CPEB4: variants seen among roughly 807,000 people sequenced by gnomAD.
CPEB4 encodes the protein cytoplasmic polyadenylation element binding protein 4, also known as cytoplasmic polyadenylation element-binding protein 4.
Under a neutral mutation model 72.5 loss-of-function variants are expected in CPEB4, and 12 were observed. The ratio of observed to expected loss-of-function variants is 0.17; its 90% CI spans 0.11 to 0.27. The LOEUF is 0.27. Ranked by LOEUF, CPEB4 falls within the 10% of genes least tolerant of loss-of-function variation. CPEB4 has a pLI of 1.00. For synonymous variants in CPEB4, 302 were observed against 326.3 expected (o/e 0.93, Z 0.80); for missense variants, 614 against 908.5 (o/e 0.68, Z 4.17).
At chr5:173,895,479 A>G (rs1755972966) in intron 1 of CPEB4, among the ~76,000 whole-genome samples, 1 of 152,234 alleles carries the variant, frequency 6.6e-6, no homozygotes, top group Non-Finnish European at 1.5e-5. Flanking sequence ...ACAAGTGTCT[A>G]GATCCTCAAA....
intron 1 of CPEB4, among the ~76,000 whole-genome samples, chr5:173,895,642 A>T (rs1194580924): frequency 2.0e-5 from 3 of 152,204 alleles, no homozygotes; most frequent in African/African-American, 4.8e-5. Flanking sequence ...ATCTTTGCAT[A>T]GGAAACATTT....
At chr5:173,933,748 G>A (rs1280419009) in intron 3 of CPEB4, among the ~76,000 whole-genome samples, 1 of 152,166 alleles carries the variant, frequency 6.6e-6, no homozygotes, top group Non-Finnish European at 1.5e-5. Flanking sequence ...GGATATTACT[G>A]TGTCATCTTA....
chr5:173,898,753 AGCAACC>A (rs1351716851), intron 1 of CPEB4, among the ~76,000 whole-genome samples: 3 of 152,180 alleles, frequency 2.0e-5, no homozygotes, highest in Admixed American at 2.0e-4. Flanking sequence ...CTTGGTTCAC[AGCAACC>A]ACCACCTCCT....
chr5:173,906,203 T>G (rs1756428989), intron 1 of CPEB4, among the ~76,000 whole-genome samples: 1 of 152,258 alleles, frequency 6.6e-6, no homozygotes, highest in Admixed American at 6.5e-5. Flanking sequence ...TCTTTTGATT[T>G]GACTCTTTCG....
chr5:173,922,022 A>G (rs904126375), intron 2 of CPEB4, among the ~76,000 whole-genome samples: 1 of 152,208 alleles, frequency 6.6e-6, no homozygotes, highest in Non-Finnish European at 1.5e-5. Flanking sequence ...GGAGATCCCA[A>G]AGATGCAACA....
intron 3 of CPEB4, among the ~76,000 whole-genome samples, chr5:173,941,130 A>T (rs1370442570): frequency 6.6e-6 from 1 of 152,236 alleles, no homozygotes; most frequent in Non-Finnish European, 1.5e-5. Flanking sequence ...AAATCCAAGC[A>T]GCATCAATCA....
intron 2 of CPEB4, among the ~76,000 whole-genome samples, chr5:173,923,496 C>G (rs746186056): frequency 1.3e-4 from 20 of 152,048 alleles, no homozygotes; most frequent in Non-Finnish European, 2.8e-4. Context: ...AGCCATTTGT[C>G]AAAATTATTT....
intron 3 of CPEB4, among the ~76,000 whole-genome samples, chr5:173,936,757 C>G (rs997492016): frequency 6.6e-6 from 1 of 151,330 alleles, no homozygotes; most frequent in Non-Finnish European, 1.5e-5. Flanking sequence ...CAGCTTGAAA[C>G]TTTATTTTAC....
At chr5:173,905,111 G>A (rs1249223592) in intron 1 of CPEB4, among the ~76,000 whole-genome samples, 2 of 151,818 alleles carry the variant, frequency 1.3e-5, no homozygotes, top group Non-Finnish European at 2.9e-5. Context: ...GCTCAATAAA[G>A]GGTAGGTCTG....
At chr5:173,894,242 G>A (rs1258624622) in intron 1 of CPEB4, among the ~76,000 whole-genome samples, 2 of 151,928 alleles carry the variant, frequency 1.3e-5, no homozygotes, top group East Asian at 1.9e-4. Context: ...TAATCCACTC[G>A]CAGTGCTGAG....
intron 1 of CPEB4, among the ~76,000 whole-genome samples, chr5:173,903,035 T>C (rs1756295522): frequency 6.8e-6 from 1 of 146,860 alleles, no homozygotes. Context: ...AATACCTGAA[T>C]GGCAGATATT....
chr5:173,909,044 G>A (rs1034902173), intron 1 of CPEB4, among the ~76,000 whole-genome samples: 1 of 152,044 alleles, frequency 6.6e-6, no homozygotes, highest in Non-Finnish European at 1.5e-5. Context: ...CTTAATTTTA[G>A]TTGTCTCTAG....
At chr5:173,912,219 G>T (rs7736263) in intron 2 of CPEB4, among the ~76,000 whole-genome samples, 33,774 of 151,948 alleles carry the variant, frequency 0.22, 4,968 homozygotes, top group Non-Finnish European at 0.31. Flanking sequence ...TCTGACTTTG[G>T]GTAGTCTTCA....
intron 2 of CPEB4, among the ~76,000 whole-genome samples, chr5:173,930,647 T>A (rs1389419369): frequency 6.6e-6 from 1 of 152,188 alleles, no homozygotes; most frequent in Non-Finnish European, 1.5e-5. Context: ...AATGGAACGA[T>A]TACCAACTTA....
chr5:173,949,658 T>G, intron 6 of CPEB4, 61 bp downstream of exon 6: 1 of 1,157,086 alleles, frequency 8.6e-7, no homozygotes, highest in Middle Eastern at 2.0e-4. Context: ...ATGTGTAGCC[T>G]TTTCATAAAT....
At chr5:173,893,530 A>G in intron 1 of CPEB4, among the ~76,000 whole-genome samples, 1 of 152,286 alleles carries the variant, frequency 6.6e-6, no homozygotes, top group East Asian at 1.9e-4. Context: ...CAATTTAATT[A>G]CTATTAAAAT....
chr5:173,942,982 T>G (rs775261620), intron 3 of CPEB4, 44 bp from the exon 4 acceptor site: 1 of 1,593,924 alleles, frequency 6.3e-7, no homozygotes, highest in South Asian at 1.1e-5. Flanking sequence ...TTTGAAAGGT[T>G]GTTTTGTTTT....
At position 173,888,429 on chromosome 5, in the gene CPEB4, GGCAGCA is replaced by G; in HGVS notation, c.-1302_-1297del. 2 of 457,992 alleles carry G rather than the reference GGCAGCA, an allele frequency of 4.4e-6. No individual in the cohort carries two copies. Among genetic ancestry groups the G allele is most frequent in the Non-Finnish European group, 3.8e-6 (1 of 265,230 alleles). 28.4% of individuals were successfully genotyped at this position (457,992 alleles called of 1,614,324 possible). A position where few individuals can be genotyped will look rare whatever the true frequency, so the allele number is the denominator to read the frequency against. ...GGGAGGCGGTGGCGGCGGCGGCGGC[GGCAGCA>G]GCGGCGACAGCAGAGGAGGAAGAGG... On this transcript the variant is annotated 5_prime_UTR_variant, in exon 1 of 10. Transcript: ENST00000265085. This position sits in a 1 kb window ranked among gnomAD's most constrained non-coding sequence, Gnocchi z 4.3.
At chr5:173,913,812 A>C (rs996801566) in intron 2 of CPEB4, among the ~76,000 whole-genome samples, 1 of 152,236 alleles carries the variant, frequency 6.6e-6, no homozygotes, top group Non-Finnish European at 1.5e-5. Flanking sequence ...GAATAGAAAG[A>C]CAGTGGCTTT....
Sources: gnomAD v4.1 joint callset for allele counts (sites outside exome capture counted in the v4.1 genomes callset) on GRCh38, gnomAD v4.1.1 for gene constraint, Gnocchi (gnomAD v3.1) non-coding constraint, MANE v1.5 for transcripts, NCBI Gene and HGNC (gene_info 2026-07-23, HGNC 2026-07-21) for gene names.